RCSD1: variants seen among roughly 807,000 people sequenced by gnomAD.
The protein encoded by RCSD1 is RCSD domain containing 1, also known as capZ-interacting protein.
RCSD1 carries 26 observed loss-of-function variants against 42.5 expected under a neutral mutation model. That is an observed-to-expected ratio of 0.61 (90% CI 0.45 to 0.85). The LOEUF (loss-of-function observed/expected upper bound fraction) is 0.85, where lower values mean the gene tolerates loss of function less well. Among genes scored for constraint, RCSD1 ranks in the 40% least tolerant of loss-of-function variants. RCSD1 has a pLI of 0.00. For synonymous variants in RCSD1, 220 were observed against 212.2 expected (o/e 1.04, Z -0.32); for missense variants, 571 against 528.3 (o/e 1.08, Z -0.79).
chr1:167,693,450 C>A (rs565002005), intron 4 of RCSD1, among the ~76,000 whole-genome samples: 1 of 152,178 alleles, frequency 6.6e-6, no homozygotes, highest in Admixed American at 6.5e-5. Flanking sequence ...ACCTTGATAC[C>A]CCAAGTGGTG....
At chr1:167,667,013 C>A (rs1194360257) in intron 1 of RCSD1, among the ~76,000 whole-genome samples, 1 of 152,210 alleles carries the variant, frequency 6.6e-6, no homozygotes, top group African/African-American at 2.4e-5. Context: ...AGCTGGATGG[C>A]TTTTGTTTCT....
At chr1:167,678,442 C>A (rs553609505) in intron 1 of RCSD1, among the ~76,000 whole-genome samples, 2 of 147,344 alleles carry the variant, frequency 1.4e-5, no homozygotes, top group African/African-American at 2.5e-5. Context: ...CCCCATGCAT[C>A]CCGTTATCCA....
intron 1 of RCSD1, among the ~76,000 whole-genome samples, chr1:167,631,232 C>A (rs1657689143): frequency 6.6e-6 from 1 of 152,232 alleles, no homozygotes; most frequent in Non-Finnish European, 1.5e-5. Flanking sequence ...ACATCCCTCT[C>A]TTCTGCACAT....
At position 167,704,764 on chromosome 1, in the gene RCSD1, T is replaced by G; in HGVS notation, c.*68T>G. 1 of 1,502,800 alleles carries G rather than the reference T, an allele frequency of 6.7e-7. No homozygotes were observed. Among genetic ancestry groups the G allele is most frequent in the Admixed American group, 1.7e-5 (1 of 59,098 alleles). 93.1% of individuals were successfully genotyped at this position (1,502,800 alleles called of 1,614,324 possible). A position where few individuals can be genotyped will look rare whatever the true frequency, so the allele number is the denominator to read the frequency against. On this transcript the variant is annotated 3_prime_UTR_variant, in exon 7 of 7. Transcript: ENST00000367854. The stretch of plus-strand genomic sequence containing the variant: ...TCTCTTTGCAGGTAGCAGCAACAGT[T>G]GTAGCAGCAGCAGACGAAGCCATTG...
chr1:167,698,944 C>T (rs1178484225), intron 6 of RCSD1, among the ~76,000 whole-genome samples: 2 of 152,050 alleles, frequency 1.3e-5, no homozygotes, highest in Non-Finnish European at 2.9e-5. Context: ...GGACCACAGG[C>T]GCCCGCCACC....
chr1:167,690,058 C>A lies in RCSD1; in HGVS notation c.208C>A (p.Pro70Thr). 1.2e-6 allele frequency: 2 copies of A among 1,614,152 alleles called. No individual in the cohort carries two copies. The highest frequency in any genetic ancestry group is 1.7e-6 in the Non-Finnish European group (2 of 1,180,014). ...TTGATTTGCTCCATAGAAATCACCACCCAATGCGAGCCACCCTCCTAAATT... is the reference window on the plus strand; with the variant it reads ...TTGATTTGCTCCATAGAAATCACCAACCAATGCGAGCCACCCTCCTAAATT... ...LGQNGEEKSP[P>T]NASHPPKFKV... Residue 70 changes from proline to threonine, a missense_variant, in exon 4 of 7, where the codon CCC becomes ACC. Physicochemically the swap from Pro to Thr is conservative, Grantham distance 38. Transcript: ENST00000367854.
Position 167,682,969 on chromosome 1 carries a change from T to C in RCSD1, c.7-931T>C, listed in dbSNP as rs187526566. 8.5e-5 allele frequency among the ~76,000 whole-genome samples: 13 copies of C among 152,316 alleles called. No homozygotes were observed. The East Asian group carries it at 2.5e-3, about 29-fold the overall frequency. ...ATCTTATTCAAACCAAGTGGTTATG[T>C]AGGCCTCCTGTAACAAGGCAGAAAC... On this transcript the variant is annotated intron_variant, in intron 1 of 6. Coordinates refer to ENST00000367854, the MANE Select transcript of RCSD1 (RefSeq NM_052862.4).
intron 1 of RCSD1, among the ~76,000 whole-genome samples, chr1:167,640,167 C>T (rs867116129): frequency 2.4e-4 from 36 of 152,198 alleles, no homozygotes; most frequent in East Asian, 2.3e-3. Flanking sequence ...GGGCTGCTGC[C>T]GTAACAGATT....
chr1:167,675,138 G>A (rs1658910501), intron 1 of RCSD1, among the ~76,000 whole-genome samples: 2 of 145,284 alleles, frequency 1.4e-5, no homozygotes, highest in African/African-American at 5.2e-5. Flanking sequence ...CCCAGGAGGT[G>A]GAGGTTGCAG....
chr1:167,630,662 A>C, intron 1 of RCSD1: 26 of 231,830 alleles, frequency 1.1e-4, no homozygotes, highest in Non-Finnish European at 1.2e-4. Context: ...GAAAGATCTC[A>C]GAGGGAGAGA....
At chr1:167,689,917 G>A (rs577589525) in intron 3 of RCSD1, 132 bp from the exon 4 acceptor site, 1 of 775,242 alleles carries the variant, frequency 1.3e-6, no homozygotes, top group African/African-American at 1.7e-5. Context: ...TGAAGTATGT[G>A]GGCTACTGAA....
At chr1:167,644,789 G>T (rs76070826) in intron 1 of RCSD1, among the ~76,000 whole-genome samples, 1 of 152,176 alleles carries the variant, frequency 6.6e-6, no homozygotes, top group Admixed American at 6.5e-5. Flanking sequence ...AAACAGCTGC[G>T]GGGATTGGAC....
intron 1 of RCSD1, among the ~76,000 whole-genome samples, chr1:167,644,008 C>T (rs1658068252): frequency 6.6e-6 from 1 of 152,098 alleles, no homozygotes; most frequent in South Asian, 2.1e-4. Flanking sequence ...CGGTAAATCT[C>T]TCTGGGCTTC....
chr1:167,657,681 T>A (rs1326405605), intron 1 of RCSD1, among the ~76,000 whole-genome samples: 1 of 152,144 alleles, frequency 6.6e-6, no homozygotes, highest in Admixed American at 6.5e-5. Flanking sequence ...GCTGAGCAGA[T>A]GGACTGCTCA....
intron 1 of RCSD1, among the ~76,000 whole-genome samples, chr1:167,643,509 T>C (rs1658057982): frequency 6.6e-6 from 1 of 152,244 alleles, no homozygotes; most frequent in Non-Finnish European, 1.5e-5. Context: ...ATCCCCATCA[T>C]AGGTTCTAAC....
chr1:167,644,099 G>T (rs889297762), intron 1 of RCSD1, among the ~76,000 whole-genome samples: 1 of 152,152 alleles, frequency 6.6e-6, no homozygotes, highest in East Asian at 1.9e-4. Flanking sequence ...ACTAGGGGAG[G>T]CTTGGGCATA....
chr1:167,695,230 CAG>C (rs1659470248), intron 5 of RCSD1, among the ~76,000 whole-genome samples: 1 of 152,236 alleles, frequency 6.6e-6, no homozygotes, highest in East Asian at 1.9e-4. Context: ...GAGGAACCTT[CAG>C]AGAGAGCCGC....
intron 3 of RCSD1, among the ~76,000 whole-genome samples, chr1:167,689,114 G>T (rs1357037123): frequency 1.3e-5 from 2 of 152,158 alleles, no homozygotes; most frequent in African/African-American, 2.4e-5. Flanking sequence ...CTGCCACCGA[G>T]ACTGAATCAT....
In RCSD1 at chr1:167,697,804, A is replaced by G. The variant is rs1659539366; in HGVS notation, c.1180A>G (p.Ser394Gly). 6.8e-7 allele frequency: 1 copy of G among 1,477,398 alleles called. No homozygotes were observed. Among genetic ancestry groups the G allele is most frequent in the African/African-American group, 1.4e-5 (1 of 70,976 alleles). 91.5% of individuals were successfully genotyped at this position (1,477,398 alleles called of 1,614,324 possible). Residue 394 changes from serine to glycine, a missense_variant, in exon 6 of 7, where the codon AGT becomes GGT. Coordinates refer to ENST00000367854, the MANE Select transcript of RCSD1 (RefSeq NM_052862.4). ...CGGCCCTGCCCAGCTGGAGACCAGC[A>G]GTGAGGTCCAGAGCGAGCCAGCAGT... is the stretch of plus-strand genomic sequence containing the variant. Reference protein sequence around the residue: ...QTGPAQLETSSEVQSEPAVPK... With the variant: ...QTGPAQLETSGEVQSEPAVPK...
Sources: gnomAD v4.1 joint callset for allele counts (sites outside exome capture counted in the v4.1 genomes callset) on GRCh38, gnomAD v4.1.1 for gene constraint, MANE v1.5 for transcripts, NCBI Gene and HGNC (gene_info 2026-07-23, HGNC 2026-07-21) for gene names.